Variants in STRN3 observed in about 807,000 individuals in gnomAD.
STRN3 encodes the protein striatin 3.
In STRN3, 29 loss-of-function variants were observed where a neutral mutation model predicts 95.6. The observed-to-expected ratio is 0.30, with a 90% CI of 0.23 to 0.41. The LOEUF (loss-of-function observed/expected upper bound fraction) is 0.41, where lower values mean the gene tolerates loss of function less well. Ranked by LOEUF, STRN3 falls within the 10% of genes least tolerant of loss-of-function variation. The probability of loss-of-function intolerance (pLI) is 1.00; values close to 1 mark genes in which losing one functional copy is unlikely to be tolerated. For synonymous variants in STRN3, 331 were observed against 357.6 expected (o/e 0.93, Z 0.84); for missense variants, 890 against 972.1 (o/e 0.92, Z 1.12).
chr14:30,952,571 G>A (rs1196448219), intron 3 of STRN3, among the ~76,000 whole-genome samples: 5 of 151,280 alleles, frequency 3.3e-5, no homozygotes, highest in Non-Finnish European at 5.9e-5. Flanking sequence ...ATGGTGGCAC[G>A]TGCCTGTAGT....
rs1566474720 is a variant in STRN3 at position 30,984,136 on chromosome 14, A to ACC, written c.283-27895_283-27894insGG. On this transcript the variant is annotated intron_variant, in intron 1 of 17. Transcript: ENST00000357479. ...CCATGGCATCTTCCCCGCCCCCCCC[A>ACC]ACCCCCCCCCACACACAAAGGCCTA... Among the ~76,000 whole-genome samples, 5 of 25,814 alleles carry ACC rather than the reference A, an allele frequency of 1.9e-4. No homozygotes were observed. In the East Asian group the frequency reaches 9.1e-3, roughly 47 times the overall value. 16.9% of individuals were successfully genotyped at this position (25,814 alleles called of 152,430 possible).
In STRN3 at chr14:30,956,261, C is replaced by T; in HGVS notation, c.283-19G>A. On this transcript the variant is annotated intron_variant, in intron 1 of 17. Transcript: ENST00000357479. The stretch of plus-strand genomic sequence containing the variant: ...TCCGGGCCTAAAAATATAAAAGATG[C>T]ATTTATTTACATTTTCCCTTAACCA... The T allele has an allele frequency of 6.2e-7, 1 of 1,602,044 alleles. No homozygotes were observed. Among genetic ancestry groups the T allele is most frequent in the Middle Eastern group, 1.7e-4 (1 of 6,030 alleles).
At chr14:30,934,338 T>TAAC (rs1242261793) in intron 7 of STRN3, among the ~76,000 whole-genome samples, 1 of 151,800 alleles carries the variant, frequency 6.6e-6, no homozygotes, top group Non-Finnish European at 1.5e-5. Flanking sequence ...ATAATAATAA[T>TAAC]AACAATAATA....
At chr14:30,952,124 C>CA (rs71112359) in intron 3 of STRN3, among the ~76,000 whole-genome samples, 7,265 of 150,034 alleles carry the variant, frequency 0.048, 263 homozygotes, top group East Asian at 0.17. Flanking sequence ...TCTTAAACAA[C>CA]AAAAAAAAAG....
chr14:30,897,041 A>G (rs1896174223), intron 16 of STRN3, among the ~76,000 whole-genome samples: 1 of 152,028 alleles, frequency 6.6e-6, no homozygotes, highest in African/African-American at 2.4e-5. Flanking sequence ...TTTATAAGTT[A>G]CTCTCCTTTC....
intron 15 of STRN3, 120 bp from the exon 16 acceptor site, chr14:30,902,763 C>T: frequency 1.5e-6 from 1 of 667,038 alleles, no homozygotes; most frequent in Non-Finnish European, 2.5e-6. Flanking sequence ...TTGCATAAAA[C>T]AAAAAATCTG....
chr14:30,956,154 G>A lies in STRN3; in HGVS notation c.371C>T (p.Ala124Val). ...GCACACATACCTTTCTTGTTTTAAT[G>A]CATACTCTAACATCTTTATTCTTCT... ...LVRRIKMLEY[A>V]LKQERAKYHK... Residue 124 changes from alanine (A) to valine (V), a missense_variant, in exon 2 of 18, where the codon GCA becomes GTA. Around this residue, in one of 3 missense-constraint regions of STRN3, gnomAD observed 526 missense variants for 526.3 expected, o/e 1.00. Coordinates refer to ENST00000357479, the MANE Select transcript of STRN3 (RefSeq NM_001083893.2). 1 of 1,613,284 alleles carries A rather than the reference G, an allele frequency of 6.2e-7. No individual in the cohort carries two copies.
rs1879431984 is a variant in STRN3 at position 30,947,673 on chromosome 14, G to C, written c.543-410C>G. On this transcript the variant is annotated intron_variant, in intron 4 of 17. Transcript: ENST00000357479. ...GGAGCAGTAAAGAATGAGTAGAACT[G>C]CATCTTAGCACACAGACATACTAAG... is the stretch of plus-strand genomic sequence containing the variant. Among the ~76,000 whole-genome samples, 4 of 151,946 alleles carry C rather than the reference G, an allele frequency of 2.6e-5. No homozygotes were observed. The South Asian group carries it at 8.3e-4, about 32-fold the overall frequency.
At position 30,981,822 on chromosome 14, in the gene STRN3, C is replaced by A. The variant is rs1272187910; in HGVS notation, c.283-25580G>T. Among the ~76,000 whole-genome samples the A allele has an allele frequency of 3.3e-5, 5 of 151,988 alleles. No individual in the cohort carries two copies. The South Asian group carries it at 8.3e-4, about 25-fold the overall frequency. ...TGATAAAAGAATTCCAGGCTGGGTG[C>A]GGTGGCTCACGCCTGAAATCCTAGC... On this transcript the variant is annotated intron_variant, in intron 1 of 17. Transcript: ENST00000357479.
At chr14:30,942,398 A>T (rs565104317) in intron 5 of STRN3, among the ~76,000 whole-genome samples, 1 of 152,336 alleles carries the variant, frequency 6.6e-6, no homozygotes, top group East Asian at 1.9e-4. Context: ...CATTCTAAAG[A>T]GACAACAGAA....
At chr14:30,999,991 T>C (rs8020369) in intron 1 of STRN3, among the ~76,000 whole-genome samples, 11,879 of 152,218 alleles carry the variant, frequency 0.078, 719 homozygotes, top group East Asian at 0.21. Flanking sequence ...GTGGGATATA[T>C]TCAAAGTGCT....
chr14:30,944,146 AG>A (rs891043967), intron 5 of STRN3, among the ~76,000 whole-genome samples: 1 of 152,008 alleles, frequency 6.6e-6, no homozygotes, highest in African/African-American at 2.4e-5. Flanking sequence ...ACTAAGAGTG[AG>A]GGGGAAAAAA....
At chr14:31,009,784 T>C (rs1243650940) in intron 1 of STRN3, among the ~76,000 whole-genome samples, 1 of 152,138 alleles carries the variant, frequency 6.6e-6, no homozygotes, top group Non-Finnish European at 1.5e-5. Context: ...TAATAAAGCA[T>C]ATTTGACAGT....
At chr14:30,930,008 A>C (rs1180071228) in intron 7 of STRN3, among the ~76,000 whole-genome samples, 1 of 142,512 alleles carries the variant, frequency 7.0e-6, no homozygotes, top group Non-Finnish European at 1.5e-5. Flanking sequence ...ATTTTTTTAG[A>C]ATTGATTTTT....
chr14:30,995,079 G>A (rs1415964304), intron 1 of STRN3, among the ~76,000 whole-genome samples: 2 of 152,122 alleles, frequency 1.3e-5, no homozygotes, highest in African/African-American at 2.4e-5. Context: ...TGAAAATACC[G>A]TGTTCATTGT....
rs1308710090 is a variant in STRN3 at position 31,020,648 on chromosome 14, AT to A, written c.282+5255del. Among the ~76,000 whole-genome samples the A allele has an allele frequency of 2.0e-5, 3 of 152,022 alleles. No individual in the cohort carries two copies. In the East Asian group the frequency reaches 5.8e-4, roughly 30 times the overall value. ...CCAGGCATGATGGCTCATGCCTGTA[AT>A]CCCAATACTTGGACTTTGGGAGGAT... On this transcript the variant is annotated intron_variant, in intron 1 of 17. Transcript: ENST00000357479.
At chr14:30,938,223 TC>T (rs1294061344) in intron 5 of STRN3, among the ~76,000 whole-genome samples, 1 of 151,536 alleles carries the variant, frequency 6.6e-6, no homozygotes, top group Non-Finnish European at 1.5e-5. Context: ...TCCCACCCAA[TC>T]CAGCACACTG....
intron 13 of STRN3, among the ~76,000 whole-genome samples, chr14:30,907,842 C>T (rs1391841770): frequency 6.6e-6 from 1 of 152,148 alleles, no homozygotes; most frequent in African/African-American, 2.4e-5. Flanking sequence ...TAACATTGAG[C>T]ATAATTTGTC....
At chr14:30,904,510 CA>C in intron 15 of STRN3, among the ~76,000 whole-genome samples, 1 of 152,148 alleles carries the variant, frequency 6.6e-6, no homozygotes, top group Non-Finnish European at 1.5e-5. Flanking sequence ...AGGGGAAAAC[CA>C]AAACCCAATC....
Sources: gnomAD v4.1 joint callset for allele counts (sites outside exome capture counted in the v4.1 genomes callset) on GRCh38, gnomAD v4.1.1 for gene constraint, gnomAD v4.1.1 regional missense constraint, MANE v1.5 for transcripts, NCBI Gene and HGNC (gene_info 2026-07-23, HGNC 2026-07-21) for gene names.